Variants in IGF1R observed in about 807,000 individuals in gnomAD.
The protein encoded by IGF1R is insulin like growth factor 1 receptor.
A neutral mutation model predicts 144.6 loss-of-function variants in IGF1R; 44 were observed. That is an observed-to-expected ratio of 0.30 (90% confidence interval 0.24 to 0.39). The LOEUF (loss-of-function observed/expected upper bound fraction) is 0.39. Among genes scored for constraint, IGF1R ranks in the 10% least tolerant of loss-of-function variants. The pLI is 1.00. For synonymous variants in IGF1R, 795 were observed against 722.8 expected (o/e 1.10, Z -1.60); for missense variants, 1,355 against 1,833.7 (o/e 0.74, Z 4.77).
chr15:98,818,395 A>G (rs1001468608), intron 2 of IGF1R, among the ~76,000 whole-genome samples: 6 of 152,192 alleles, frequency 3.9e-5, no homozygotes, highest in Non-Finnish European at 8.8e-5. Flanking sequence ...ACTGATTTCT[A>G]CAACAGTCAG....
intron 13 of IGF1R, 47 bp from the exon 14 acceptor site, chr15:98,929,511 A>G (rs2151701180): frequency 6.9e-7 from 1 of 1,446,300 alleles, no homozygotes; most frequent in South Asian, 1.1e-5. Flanking sequence ...GAAATGAGCA[A>G]ATTGTTCACC....
At chr15:98,869,027 G>A (rs2012623607) in intron 2 of IGF1R, among the ~76,000 whole-genome samples, 1 of 152,154 alleles carries the variant, frequency 6.6e-6, no homozygotes, top group Admixed American at 6.5e-5. Flanking sequence ...AAGAAATGCA[G>A]CCAGAGGCCT....
intron 1 of IGF1R, among the ~76,000 whole-genome samples, chr15:98,657,577 A>G (rs928843161): frequency 1.1e-4 from 16 of 152,250 alleles, no homozygotes; most frequent in Non-Finnish European, 2.2e-4. Context: ...CAGTAGCAGC[A>G]GAGGGAGATC....
chr15:98,762,889 T>C (rs2055341148), intron 2 of IGF1R, among the ~76,000 whole-genome samples: 2 of 151,594 alleles, frequency 1.3e-5, no homozygotes, highest in African/African-American at 4.9e-5. Context: ...CTACTAAAAA[T>C]ACAAAAATTA....
intron 6 of IGF1R, among the ~76,000 whole-genome samples, chr15:98,911,008 A>AT (rs2014988370): frequency 6.6e-6 from 1 of 152,212 alleles, no homozygotes; most frequent in South Asian, 2.1e-4. Context: ...GAGAAGAAAG[A>AT]TAAGTTCACC....
At chr15:98,895,222 CCACA>C (rs10704966) in intron 3 of IGF1R, among the ~76,000 whole-genome samples, 19,388 of 142,928 alleles carry the variant, frequency 0.14, 1,384 homozygotes, top group African/African-American at 0.18. Flanking sequence ...TGACACAGCA[CCACA>C]CACACACACA....
At chr15:98,913,456 G>T (rs941464245) in intron 8 of IGF1R, among the ~76,000 whole-genome samples, 174 bp downstream of exon 8, 3 of 152,186 alleles carry the variant, frequency 2.0e-5, no homozygotes, top group Non-Finnish European at 4.4e-5. Flanking sequence ...AGGCTCTTCT[G>T]TGCCATTTTC....
At chr15:98,839,326 A>G (rs951339784) in intron 2 of IGF1R, among the ~76,000 whole-genome samples, 1 of 152,174 alleles carries the variant, frequency 6.6e-6, no homozygotes, top group Non-Finnish European at 1.5e-5. Context: ...GTGTGACTCT[A>G]GAGTACCTAC....
chr15:98,908,005 G>T (rs1441800444), intron 5 of IGF1R, among the ~76,000 whole-genome samples: 2 of 152,266 alleles, frequency 1.3e-5, no homozygotes, highest in African/African-American at 2.4e-5. Context: ...TTGCAAACAA[G>T]CTTTGTGCAC....
rs184610416 is a variant in IGF1R at position 98,755,201 on chromosome 15, C to T, written c.640+47094C>T. On this transcript the variant is annotated intron_variant, in intron 2 of 20. Coordinates refer to ENST00000650285, the MANE Select transcript of IGF1R (RefSeq NM_000875.5). The stretch of plus-strand genomic sequence containing the variant: ...AGTGAATAGCCTCTATATAGTCTTT[C>T]GTAACATTTTTACTTTTTCTCGGTG... Among the ~76,000 whole-genome samples the T allele has an allele frequency of 4.6e-5, 7 of 151,450 alleles. No individual in the cohort carries two copies. The East Asian group carries it at 9.7e-4, about 21-fold the overall frequency.
At chr15:98,836,901 G>T (rs1385590933) in intron 2 of IGF1R, among the ~76,000 whole-genome samples, 1 of 152,164 alleles carries the variant, frequency 6.6e-6, no homozygotes, top group South Asian at 2.1e-4. Flanking sequence ...GATTGACATT[G>T]CATCTCAGTG....
At chr15:98,729,966 A>G (rs1244951064) in intron 2 of IGF1R, among the ~76,000 whole-genome samples, 4 of 152,226 alleles carry the variant, frequency 2.6e-5, no homozygotes, top group Admixed American at 1.3e-4. Flanking sequence ...TTATGGGATC[A>G]CAAGGGCCTA....
rs1596278094 is a variant in IGF1R at position 98,761,251 on chromosome 15, G to C, written c.640+53144G>C. 2.6e-5 allele frequency among the ~76,000 whole-genome samples: 4 copies of C among 152,302 alleles called. No individual in the cohort carries two copies. In the South Asian group the frequency reaches 6.2e-4, roughly 24 times the overall value. Reference sequence around the variant, plus strand: ...GCTGGCGTTGTCTCTGATGGCTTGGGGTGTCACAGAGACATGACAGTACTG... The same window carrying C: ...GCTGGCGTTGTCTCTGATGGCTTGGCGTGTCACAGAGACATGACAGTACTG... On this transcript the variant is annotated intron_variant, in intron 2 of 20. Coordinates refer to ENST00000650285, the MANE Select transcript of IGF1R (RefSeq NM_000875.5).
rs1567174366 is a variant in IGF1R at position 98,878,690 on chromosome 15, AAAAAACAACAAC to A, written c.641-12629_641-12618del. Among the ~76,000 whole-genome samples, 34 of 139,944 alleles carry A rather than the reference AAAAAACAACAAC, an allele frequency of 2.4e-4. 1 individual carries two copies. Among genetic ancestry groups the A allele is most frequent in the African/African-American group, 9.5e-4 (31 of 32,494 alleles). 91.8% of individuals were successfully genotyped at this position (139,944 alleles called of 152,430 possible). A position where few individuals can be genotyped will look rare whatever the true frequency, so the allele number is the denominator to read the frequency against. On this transcript the variant is annotated intron_variant, in intron 2 of 20. Transcript: ENST00000650285. ...AAAAAAAAAAAAAAAAAAAAAAAAA[AAAAAACAACAAC>A]AAAAAAAAGGCCAGGCACGGTGGCT... is the stretch of plus-strand genomic sequence containing the variant.
chr15:98,817,304 AAATAATAATAATAATAATAAT>A (rs57196850), intron 2 of IGF1R, among the ~76,000 whole-genome samples: 2 of 146,288 alleles, frequency 1.4e-5, no homozygotes, highest in African/African-American at 5.0e-5. Flanking sequence ...TCTGTCTCAA[AAATAATAATAATAATAATAAT>A]AATAATAATA....
At chr15:98,801,898 T>C (rs530422584) in intron 2 of IGF1R, among the ~76,000 whole-genome samples, 1 of 152,302 alleles carries the variant, frequency 6.6e-6, no homozygotes, top group Admixed American at 6.5e-5. Context: ...CATCTTACTT[T>C]TGCTGTCCGT....
chr15:98,712,547 A>G (rs368022420), intron 2 of IGF1R, among the ~76,000 whole-genome samples: 172 of 151,530 alleles, frequency 1.1e-3, no homozygotes, highest in African/African-American at 4.0e-3. Flanking sequence ...CAGCAGTGAC[A>G]TAGCCTCTCT....
intron 6 of IGF1R, among the ~76,000 whole-genome samples, chr15:98,910,079 G>C (rs2014940777): frequency 6.6e-6 from 1 of 152,210 alleles, no homozygotes; most frequent in Non-Finnish European, 1.5e-5. Context: ...TTTGGCTTTG[G>C]CTTGTTTCGC....
chr15:98,913,125 G>A lies in IGF1R; in HGVS notation c.1671G>A (p.Pro557=), dbSNP rs773154665. 1.8e-5 allele frequency: 29 copies of A among 1,614,178 alleles called. No homozygotes were observed. The highest frequency in any genetic ancestry group is 1.6e-4 in the Middle Eastern group (1 of 6,062). ...GGAACATGGTGGACGTGGACCTCCCGCCCAACAAGGACGTGGAGCCCGGCA... is the reference window on the plus strand; with the variant it reads ...GGAACATGGTGGACGTGGACCTCCCACCCAACAAGGACGTGGAGCCCGGCA... ...NSWNMVDVDL[P]PNKDVEPGIL... The change falls in exon 8 of 21, where the codon CCG becomes CCA. Residue 557 remains proline (P), a synonymous_variant. Coordinates refer to ENST00000650285, the MANE Select transcript of IGF1R (RefSeq NM_000875.5).
Sources: gnomAD v4.1 joint callset for allele counts (sites outside exome capture counted in the v4.1 genomes callset) on GRCh38, gnomAD v4.1.1 for gene constraint, MANE v1.5 for transcripts, NCBI Gene and HGNC (gene_info 2026-07-23, HGNC 2026-07-21) for gene names.